The following TENM3 variants were observed in gnomAD, a reference collection of about 807,000 sequenced individuals.
TENM3 encodes the protein teneurin transmembrane protein 3.
TENM3 carries 63 observed loss-of-function variants against 255.1 expected under a neutral mutation model. That is an observed-to-expected ratio of 0.25 (90% confidence interval 0.20 to 0.30). The LOEUF (loss-of-function observed/expected upper bound fraction) is 0.30. TENM3 is among the 10% of genes least tolerant of loss of function. TENM3 has a pLI of 1.00. For synonymous variants in TENM3, 1,306 were observed against 1,322.3 expected, an observed-to-expected ratio of 0.99 and a Z score of 0.27; for missense variants, 2,929 against 3,461.1, an observed-to-expected ratio of 0.85 and a Z score of 3.86.
intron 1 of TENM3, among the ~76,000 whole-genome samples, chr4:182,277,046 G>A (rs182746393): frequency 3.9e-5 from 6 of 152,318 alleles, no homozygotes; most frequent in African/African-American, 1.2e-4. Flanking sequence ...TGATGTCTAC[G>A]TCTGAACAAA....
At chr4:182,594,201 GCA>G (rs1276213835) in intron 3 of TENM3, among the ~76,000 whole-genome samples, 1 of 151,804 alleles carries the variant, frequency 6.6e-6, no homozygotes, top group Non-Finnish European at 1.5e-5. Flanking sequence ...TTTTTTAGAG[GCA>G]GGGTCTTGCT....
At chr4:181,726,403 C>T in the TENM3 span, among the ~76,000 whole-genome samples, 5 of 152,114 alleles carry the variant, frequency 3.3e-5, no homozygotes, top group Non-Finnish European at 7.3e-5. Flanking sequence ...TTTATACTAA[C>T]ACTCTATGTA....
At chr4:181,876,504 G>A in the TENM3 span, among the ~76,000 whole-genome samples, 1 of 152,112 alleles carries the variant, frequency 6.6e-6, no homozygotes, top group African/African-American at 2.4e-5. Context: ...AAAGAATGCT[G>A]TCAGCTCTAA....
At chr4:182,035,075 C>T in the TENM3 span, among the ~76,000 whole-genome samples, 9 of 152,146 alleles carry the variant, frequency 5.9e-5, no homozygotes, top group African/African-American at 1.9e-4. Flanking sequence ...GGGTTTTGTT[C>T]GTTCCTTTTC....
chr4:181,534,165 T>C, the TENM3 span, among the ~76,000 whole-genome samples: 1,197 of 148,622 alleles, frequency 8.1e-3, 15 homozygotes, highest in African/African-American at 0.028. Context: ...CCGAGGTGGG[T>C]GGATCACAAG....
intron 3 of TENM3, among the ~76,000 whole-genome samples, chr4:182,517,988 A>G (rs1268849884): frequency 1.3e-5 from 2 of 151,920 alleles, no homozygotes; most frequent in Non-Finnish European, 2.9e-5. Flanking sequence ...TGCTTCACCA[A>G]CACCACTACT....
the TENM3 span, among the ~76,000 whole-genome samples, chr4:181,509,326 G>T: frequency 2.0e-5 from 3 of 152,078 alleles, no homozygotes; most frequent in South Asian, 4.2e-4. Context: ...AATTTGAAAT[G>T]AATGTTTTCT....
chr4:182,512,884 A>C (rs561702189), intron 3 of TENM3, among the ~76,000 whole-genome samples: 2 of 152,322 alleles, frequency 1.3e-5, no homozygotes, highest in East Asian at 3.9e-4. Flanking sequence ...TGAAGATCAA[A>C]ATAGTGTCCA....
chr4:182,520,219 A>G (rs1738427516), intron 3 of TENM3, among the ~76,000 whole-genome samples: 1 of 152,194 alleles, frequency 6.6e-6, no homozygotes, highest in East Asian at 1.9e-4. Flanking sequence ...TTTAAAAAAA[A>G]ATTTCTGGTT....
the TENM3 span, among the ~76,000 whole-genome samples, chr4:182,096,343 A>AT: frequency 3.6e-4 from 55 of 152,190 alleles, 1 homozygote; most frequent in Admixed American, 1.2e-3. Context: ...TTGCACTGCT[A>AT]TTTTTTTATC....
At chr4:181,515,609 C>T in the TENM3 span, among the ~76,000 whole-genome samples, 1 of 151,944 alleles carries the variant, frequency 6.6e-6, no homozygotes, top group East Asian at 1.9e-4. Flanking sequence ...CTTGAGAGTT[C>T]GAATTGTGTC....
At chr4:182,269,262 G>A (rs757785602) in intron 1 of TENM3, among the ~76,000 whole-genome samples, 11 of 152,114 alleles carry the variant, frequency 7.2e-5, no homozygotes, top group East Asian at 5.8e-4. Flanking sequence ...ATGGATGAGC[G>A]AGGCATGTCA....
chr4:182,691,858 G>A (rs1757034853), intron 12 of TENM3, among the ~76,000 whole-genome samples: 1 of 152,158 alleles, frequency 6.6e-6, no homozygotes, highest in African/African-American at 2.4e-5. Context: ...ATAAGCACCA[G>A]TACTTACTGC....
At chr4:182,215,000 T>G (rs1189704889) in intron 1 of TENM3, among the ~76,000 whole-genome samples, 2 of 152,192 alleles carry the variant, frequency 1.3e-5, no homozygotes, top group African/African-American at 2.4e-5. Context: ...GAAATTCCAG[T>G]TAGAGATAAG....
At chr4:182,515,560 A>C (rs1737849784) in intron 3 of TENM3, among the ~76,000 whole-genome samples, 1 of 152,210 alleles carries the variant, frequency 6.6e-6, no homozygotes, top group African/African-American at 2.4e-5. Flanking sequence ...AAATGTATGT[A>C]CATATGTACA....
upstream of TENM3, chr4:182,143,424 G>C (rs1749619893): frequency 6.0e-6 from 1 of 166,944 alleles, no homozygotes; most frequent in Non-Finnish European, 1.5e-5. The surrounding 1 kb of genome is among the most constrained non-coding windows in gnomAD (Gnocchi z 4.3). Context: ...CTCTGCAAAG[G>C]ACGGGCCGCC....
At chr4:182,299,735 G>T (rs1309812402) in intron 1 of TENM3, among the ~76,000 whole-genome samples, 1 of 152,016 alleles carries the variant, frequency 6.6e-6, no homozygotes, top group Non-Finnish European at 1.5e-5. Flanking sequence ...CTGAGGTCAG[G>T]TGATTGAAAA....
intron 13 of TENM3, among the ~76,000 whole-genome samples, chr4:182,719,436 A>G (rs1405162077): frequency 6.6e-6 from 1 of 150,814 alleles, no homozygotes; most frequent in African/African-American, 2.4e-5. Context: ...TAATTTTTGT[A>G]TTTTTAGTAG....
the TENM3 span, among the ~76,000 whole-genome samples, chr4:182,094,110 G>A: frequency 6.6e-6 from 1 of 152,046 alleles, no homozygotes; most frequent in Non-Finnish European, 1.5e-5. Context: ...AAGAGATGAA[G>A]TCACCGACAG....
Sources: gnomAD v4.1 joint callset for allele counts (sites outside exome capture counted in the v4.1 genomes callset) on GRCh38, gnomAD v4.1.1 for gene constraint, Gnocchi (gnomAD v3.1) non-coding constraint, MANE v1.5 for transcripts, NCBI Gene and HGNC (gene_info 2026-07-23, HGNC 2026-07-21) for gene names.